RSPO1: variants seen among roughly 807,000 people sequenced by gnomAD.
RSPO1 encodes the protein R-spondin-1.
In RSPO1, 18 loss-of-function variants were observed where a neutral mutation model predicts 26.0. The observed-to-expected ratio is 0.69, with a 90% CI of 0.48 to 1.03. RSPO1 has a LOEUF of 1.03. Ranked by LOEUF, RSPO1 falls within the 50% of genes least tolerant of loss-of-function variation. The pLI is 0.00. For synonymous variants in RSPO1, 133 were observed against 137.4 expected (o/e 0.97, Z 0.22); for missense variants, 309 against 352.3 (o/e 0.88, Z 0.98).
Position 37,634,346 on chromosome 1 carries a change from C to T in RSPO1, c.-356+220G>A, listed in dbSNP as rs532681621. Among the ~76,000 whole-genome samples, 1 of 152,296 alleles carries T rather than the reference C, an allele frequency of 6.6e-6. No individual in the cohort carries two copies. The highest frequency in any genetic ancestry group is 2.4e-5 in the African/African-American group (1 of 41,566). ...AGGGGAGTTCGAGGGGAAGAGGCTG[C>T]CTGCTGGATTGAGGGCCGACGGGGG... On this transcript the variant is annotated intron_variant, in intron 1 of 6. Coordinates refer to ENST00000356545, the MANE Select transcript of RSPO1 (RefSeq NM_001242908.2). The surrounding 1 kb of genome is among the most constrained non-coding windows in gnomAD (Gnocchi z 4.7).
chr1:37,613,696 C>A lies in RSPO1; in HGVS notation c.625+8G>T, dbSNP rs766846366. On this transcript the variant is annotated splice_region_variant and intron_variant, in intron 6 of 6. Transcript: ENST00000356545. This position sits in a 1 kb window ranked among gnomAD's most constrained non-coding sequence, Gnocchi z 4.5. Reference sequence around the variant, plus strand: ...CCTGACCCCAGGGAGGCAGAGGCTGCAGCTCACCCTCAGGACACGGCACTC... The same window carrying A: ...CCTGACCCCAGGGAGGCAGAGGCTGAAGCTCACCCTCAGGACACGGCACTC... 5 of 1,607,282 alleles carry A rather than the reference C, an allele frequency of 3.1e-6. No homozygotes were observed. The East Asian group carries it at 8.9e-5, about 29-fold the overall frequency.
intron 3 of RSPO1, 66 bp from the exon 4 acceptor site, chr1:37,616,741 A>T: frequency 7.3e-7 from 1 of 1,376,284 alleles, no homozygotes; most frequent in Non-Finnish European, 1.0e-6. Context: ...AGATTCTGAC[A>T]AGGATGGGAA....
intron 3 of RSPO1, among the ~76,000 whole-genome samples, chr1:37,617,923 C>T (rs1644142177): frequency 6.6e-6 from 1 of 151,926 alleles, no homozygotes; most frequent in Non-Finnish European, 1.5e-5. Context: ...AATAGTGGAC[C>T]CAAAAGAAGG....
intron 3 of RSPO1, among the ~76,000 whole-genome samples, chr1:37,620,338 C>T (rs1340348990): frequency 2.6e-5 from 4 of 152,078 alleles, no homozygotes; most frequent in Admixed American, 1.3e-4. Flanking sequence ...CATAGGGAGA[C>T]CCTGTCTCTA....
chr1:37,612,873 C>T lies in RSPO1; in HGVS notation c.674G>A (p.Arg225Lys). The T allele has an allele frequency of 6.2e-7, 1 of 1,614,110 alleles. No individual in the cohort carries two copies. The highest frequency in any genetic ancestry group is 8.5e-7 in the Non-Finnish European group (1 of 1,180,038). ...GGQGRRENAN[R>K]NLARKESKEA... The stretch of plus-strand genomic sequence containing the variant: ...CTTGCTCTCCTTCCTGGCCAGGTTC[C>T]TGTTGGCATTCTCCCGCCGGCCCTG... Residue 225 changes from arginine (R) to lysine (K), a missense_variant, in exon 7 of 7, where the codon AGG (arginine) becomes AAG (lysine). Physicochemically the swap from Arg to Lys is conservative, Grantham distance 26 (BLOSUM62 2). Coordinates refer to ENST00000356545, the MANE Select transcript of RSPO1 (RefSeq NM_001242908.2).
chr1:37,617,724 A>G (rs1048108441), intron 3 of RSPO1, among the ~76,000 whole-genome samples: 1 of 148,244 alleles, frequency 6.7e-6, no homozygotes, highest in East Asian at 2.0e-4. Context: ...ATGGTTTTCC[A>G]TCCCAGCATT....
intron 2 of RSPO1, among the ~76,000 whole-genome samples, 182 bp from the exon 3 acceptor site, chr1:37,630,131 C>A (rs891713346): frequency 6.6e-6 from 1 of 152,208 alleles, no homozygotes; most frequent in African/African-American, 2.4e-5. Flanking sequence ...TAACCTGGGA[C>A]CGGAGCCGGC....
At chr1:37,612,986 C>T (rs998690278) in intron 6 of RSPO1, 65 bp from the exon 7 acceptor site, 130 of 1,577,204 alleles carry the variant, frequency 8.2e-5, no homozygotes, top group Non-Finnish European at 9.5e-5. Context: ...GGCATGGCCA[C>T]AGGCCCTAGG....
intron 3 of RSPO1, among the ~76,000 whole-genome samples, chr1:37,618,079 C>T (rs969740068): frequency 6.6e-6 from 1 of 152,192 alleles, no homozygotes; most frequent in African/African-American, 2.4e-5. Flanking sequence ...TTGCAGATAA[C>T]TTGGGGTGGA....
Position 37,612,725 on chromosome 1 carries a change from C to T in RSPO1, c.*30G>A, listed in dbSNP as rs761694625. ...CACGCAGAGTAGCACTGAACTCTTT[C>T]TGCATGGGCCTGGAGGCTGGACAGT... On this transcript the variant is annotated 3_prime_UTR_variant, in exon 7 of 7. Coordinates refer to ENST00000356545, the MANE Select transcript of RSPO1 (RefSeq NM_001242908.2). 3 of 1,605,500 alleles carry T rather than the reference C, an allele frequency of 1.9e-6. No homozygotes were observed. The highest frequency in any genetic ancestry group is 2.5e-6 in the Non-Finnish European group (3 of 1,179,472).
chr1:37,626,782 G>C (rs751335789), intron 3 of RSPO1, among the ~76,000 whole-genome samples: 1 of 152,128 alleles, frequency 6.6e-6, no homozygotes, highest in Non-Finnish European at 1.5e-5. Flanking sequence ...GACTGAGAGA[G>C]GGGGCCCAAG....
intron 4 of RSPO1, 97 bp from the exon 5 acceptor site, chr1:37,614,430 C>T (rs974670940): frequency 1.2e-5 from 17 of 1,399,182 alleles, no homozygotes; most frequent in African/African-American, 2.8e-5. Context: ...CCACACCCAC[C>T]TACATGGAGG....
rs1169754639 is a variant in RSPO1 at position 37,618,038 on chromosome 1, C to G, written c.95-1363G>C. Among the ~76,000 whole-genome samples the G allele has an allele frequency of 2.0e-5, 3 of 152,162 alleles. No homozygotes were observed. The East Asian group carries it at 5.8e-4, about 29-fold the overall frequency. On this transcript the variant is annotated intron_variant, in intron 3 of 6. Coordinates refer to ENST00000356545, the MANE Select transcript of RSPO1 (RefSeq NM_001242908.2). ...ATTAAGGGCACTCAGGGAGCAGGACCACAGAGGTGTAAAACTAGGGAAAGG... is the reference window on the plus strand; with the variant it reads ...ATTAAGGGCACTCAGGGAGCAGGACGACAGAGGTGTAAAACTAGGGAAAGG...
rs2148156809 is a variant in RSPO1, at chr1:37,612,875, G to T, written c.672C>A (p.Asn224Lys). 6.2e-7 allele frequency: 1 copy of T among 1,614,072 alleles called. No homozygotes were observed. The highest frequency in any genetic ancestry group is 2.2e-5 in the East Asian group (1 of 44,880). ...KGGQGRRENA[N>K]RNLARKESKE... The stretch of plus-strand genomic sequence containing the variant: ...TGCTCTCCTTCCTGGCCAGGTTCCT[G>T]TTGGCATTCTCCCGCCGGCCCTGGC... Residue 224 changes from asparagine (N) to lysine (K), a missense_variant, in exon 7 of 7, where the codon AAC (asparagine) becomes AAA (lysine). Physicochemically the swap from Asn to Lys is moderately conservative, Grantham distance 94. Coordinates refer to ENST00000356545, the MANE Select transcript of RSPO1 (RefSeq NM_001242908.2).
Position 37,614,296 on chromosome 1 carries a change from A to G in RSPO1, c.324T>C (p.His108=). The G allele has an allele frequency of 6.2e-7, 1 of 1,613,848 alleles. No homozygotes were observed. ...CCTCCTTACACTTGGTGCAGAAGTT[A>G]TGGCTGAAGCAGGCCTCACAGTGCT... The part of the protein sequence containing the change: ...KIEHCEACFS[H]NFCTKCKEGL... The change falls in exon 5 of 7, where the codon CAT becomes CAC. Residue 108 remains histidine (H), a synonymous_variant. Transcript: ENST00000356545.
In RSPO1 at chr1:37,634,202, C is replaced by T. The variant is rs541609750; in HGVS notation, c.-356+364G>A. ...AGAGACCGTGGGACTTGGGGGAATCCGAGCCAATGAGCCCCAGGATCAAGA... is the reference window on the plus strand; with the variant it reads ...AGAGACCGTGGGACTTGGGGGAATCTGAGCCAATGAGCCCCAGGATCAAGA... On this transcript the variant is annotated intron_variant, in intron 1 of 6. Transcript: ENST00000356545. This position sits in a 1 kb window ranked among gnomAD's most constrained non-coding sequence, Gnocchi z 4.7. 3.9e-5 allele frequency among the ~76,000 whole-genome samples: 6 copies of T among 152,220 alleles called. No homozygotes were observed. In the South Asian group the frequency reaches 1.2e-3, roughly 32 times the overall value.
intron 4 of RSPO1, among the ~76,000 whole-genome samples, 194 bp downstream of exon 4, chr1:37,616,290 C>A (rs146634754): frequency 6.6e-6 from 1 of 151,896 alleles, no homozygotes; most frequent in Non-Finnish European, 1.5e-5. Context: ...GGGGCAGGTG[C>A]GAAGGGAGGA....
At chr1:37,614,439 G>A (rs1161824960) in intron 4 of RSPO1, 106 bp from the exon 5 acceptor site, 1 of 1,309,098 alleles carries the variant, frequency 7.6e-7, no homozygotes, top group African/African-American at 1.5e-5. Flanking sequence ...CCTACATGGA[G>A]GGCAGGACCC....
In RSPO1 at chr1:37,613,286, C is replaced by T. The variant is rs116834356; in HGVS notation, c.626-365G>A. On this transcript the variant is annotated intron_variant, in intron 6 of 6. Transcript: ENST00000356545. This position sits in a 1 kb window ranked among gnomAD's most constrained non-coding sequence, Gnocchi z 4.5. The stretch of plus-strand genomic sequence containing the variant: ...GGCAGGACTGCCCCCATCCCCTATC[C>T]GCCACCAGCCACCTCTGGGGCCAGG... Among the ~76,000 whole-genome samples the T allele has an allele frequency of 0.041, 6,299 of 152,300 alleles. 185 individuals carry two copies. Among genetic ancestry groups the T allele is most frequent in the Non-Finnish European group, 0.063 (4,286 of 67,996 alleles).
Sources: gnomAD v4.1 joint callset for allele counts (sites outside exome capture counted in the v4.1 genomes callset) on GRCh38, gnomAD v4.1.1 for gene constraint, Gnocchi (gnomAD v3.1) non-coding constraint, MANE v1.5 for transcripts, NCBI Gene and HGNC (gene_info 2026-07-23, HGNC 2026-07-21) for gene names.